The following NBEA variants were observed in gnomAD, a reference collection of about 807,000 sequenced individuals.
NBEA encodes the protein lysosomal-trafficking regulator 2.
NBEA carries 44 observed loss-of-function variants against 343.4 expected under a neutral mutation model. That is an observed-to-expected ratio of 0.13 (90% CI 0.10 to 0.16). The LOEUF is 0.16. Ranked by LOEUF, NBEA falls within the 10% of genes least tolerant of loss-of-function variation. The probability of loss-of-function intolerance (pLI) is 1.00; values close to 1 mark genes in which losing one functional copy is unlikely to be tolerated. For synonymous variants in NBEA, 1,175 were observed against 1,238.7 expected (o/e 0.95, Z 1.08); for missense variants, 2,555 against 3,631.3 (o/e 0.70, Z 7.62).
In NBEA at chr13:35,211,036, T is replaced by C. The variant is rs1336555052; in HGVS notation, c.5522-17T>C. The C allele has an allele frequency of 1.3e-6, 2 of 1,544,434 alleles. No individual in the cohort carries two copies. The highest frequency in any genetic ancestry group is 2.5e-5 in the East Asian group (1 of 40,696). On this transcript the variant is annotated splice_polypyrimidine_tract_variant and intron_variant, in intron 32 of 58. Coordinates refer to ENST00000379939, the MANE Select transcript of NBEA (RefSeq NM_001385012.1). The stretch of plus-strand genomic sequence containing the variant: ...TAAATTTATGTTTAAGGCTAAAAAT[T>C]ATTATTTTGGGAACAGGTGCCGTGG...
At chr13:35,330,679 T>C (rs914414457) in intron 36 of NBEA, among the ~76,000 whole-genome samples, 1 of 152,072 alleles carries the variant, frequency 6.6e-6, no homozygotes, top group Non-Finnish European at 1.5e-5. Flanking sequence ...TTAGGTCTGA[T>C]TGTATTTTTA....
intron 34 of NBEA, among the ~76,000 whole-genome samples, chr13:35,282,750 A>G (rs1168823536): frequency 6.6e-6 from 1 of 152,178 alleles, no homozygotes; most frequent in Non-Finnish European, 1.5e-5. Context: ...TATATTATTT[A>G]GAGTCATAGT....
chr13:35,210,473 C>T (rs1012021871), intron 32 of NBEA, among the ~76,000 whole-genome samples: 4 of 152,126 alleles, frequency 2.6e-5, no homozygotes, highest in Non-Finnish European at 4.4e-5. Context: ...CTCAACTCCA[C>T]AGCTACTTAA....
chr13:35,368,958 C>T (rs1209303915), intron 38 of NBEA, among the ~76,000 whole-genome samples: 2 of 151,652 alleles, frequency 1.3e-5, no homozygotes, highest in African/African-American at 4.8e-5. Flanking sequence ...TAGCCTCTGA[C>T]CAATTAACAA....
chr13:35,567,762 T>A (rs1452401209), intron 45 of NBEA, among the ~76,000 whole-genome samples: 3 of 152,216 alleles, frequency 2.0e-5, no homozygotes, highest in Admixed American at 2.0e-4. Context: ...CACAGAAAGT[T>A]GAAAGGTATT....
chr13:35,445,202 C>T (rs1454048535), intron 39 of NBEA, among the ~76,000 whole-genome samples: 1 of 151,962 alleles, frequency 6.6e-6, no homozygotes, highest in Non-Finnish European at 1.5e-5. Context: ...GCTTTTTTTC[C>T]CCCTCTTTAC....
chr13:35,043,720 TTGA>T (rs1314101533), intron 2 of NBEA, among the ~76,000 whole-genome samples: 29 of 152,070 alleles, frequency 1.9e-4, no homozygotes, highest in African/African-American at 6.5e-4. Flanking sequence ...TGATTATTAA[TTGA>T]TGAAGATAAG....
At chr13:35,232,359 C>T (rs2075023468) in intron 33 of NBEA, 133 bp from the exon 34 acceptor site, 1 of 634,190 alleles carries the variant, frequency 1.6e-6, no homozygotes, top group Non-Finnish European at 2.6e-6. Context: ...ATCCCTTATA[C>T]ATGAAGCTTG....
At chr13:34,945,099 G>C (rs938483574) in intron 1 of NBEA, among the ~76,000 whole-genome samples, 1 of 152,106 alleles carries the variant, frequency 6.6e-6, no homozygotes, top group African/African-American at 2.4e-5. Flanking sequence ...ATTAAGCTTA[G>C]AGTCACTAGA....
At chr13:35,220,905 T>G (rs59974376) in intron 33 of NBEA, among the ~76,000 whole-genome samples, 1 of 152,062 alleles carries the variant, frequency 6.6e-6, no homozygotes, top group African/African-American at 2.4e-5. Context: ...TTTCCCCCTA[T>G]GCCTATTTCT....
intron 48 of NBEA, among the ~76,000 whole-genome samples, chr13:35,607,126 T>G (rs1380106341): frequency 6.6e-6 from 1 of 152,178 alleles, no homozygotes; most frequent in Non-Finnish European, 1.5e-5. Context: ...CATAGCACAC[T>G]AAAGCCTCAA....
chr13:35,598,277 T>C (rs1167530692), intron 47 of NBEA, among the ~76,000 whole-genome samples: 16 of 152,168 alleles, frequency 1.1e-4, no homozygotes, highest in Admixed American at 1.0e-3. Flanking sequence ...ATAGCAGTTC[T>C]GAAACGCAGC....
intron 40 of NBEA, among the ~76,000 whole-genome samples, chr13:35,459,102 A>G (rs1372823271): frequency 6.6e-6 from 1 of 151,606 alleles, no homozygotes; most frequent in Non-Finnish European, 1.5e-5. Context: ...AGAAAAATAC[A>G]GAAGGAGGAG....
intron 39 of NBEA, among the ~76,000 whole-genome samples, chr13:35,451,812 G>A (rs998807048): frequency 3.9e-5 from 6 of 152,084 alleles, no homozygotes; most frequent in Non-Finnish European, 7.3e-5. Flanking sequence ...GGTAGAGTTC[G>A]TTTCTCTACC....
intron 38 of NBEA, among the ~76,000 whole-genome samples, chr13:35,424,621 G>A (rs912039402): frequency 6.6e-6 from 1 of 152,062 alleles, no homozygotes; most frequent in Non-Finnish European, 1.5e-5. Flanking sequence ...TTTTTCAGTT[G>A]GGTCTCTGCC....
At chr13:34,996,411 A>G (rs1395838516) in intron 1 of NBEA, among the ~76,000 whole-genome samples, 1 of 152,084 alleles carries the variant, frequency 6.6e-6, no homozygotes, top group Non-Finnish European at 1.5e-5. Flanking sequence ...ATATTGATTG[A>G]ATGCTAATAT....
Position 35,041,094 on chromosome 13 carries a change from G to A in NBEA, c.456G>A (p.Gln152=). ...AILRKSVRNL[Q]TSTEVGLIEQ... Reference sequence around the variant, plus strand: ...TACGAAAAAGTGTTCGGAATTTACAGACTAGCACAGAAGTTGGGCTAATTG... The same window carrying A: ...TACGAAAAAGTGTTCGGAATTTACAAACTAGCACAGAAGTTGGGCTAATTG... The change falls in exon 2 of 59, where the codon CAG becomes CAA. Residue 152 remains glutamine, a synonymous_variant. Transcript: ENST00000379939. The A allele has an allele frequency of 6.2e-7, 1 of 1,613,124 alleles. No homozygotes were observed. Among genetic ancestry groups the A allele is most frequent in the Non-Finnish European group, 8.5e-7 (1 of 1,179,452 alleles).
intron 41 of NBEA, among the ~76,000 whole-genome samples, chr13:35,484,611 T>G (rs2076246077): frequency 6.6e-6 from 1 of 151,978 alleles, no homozygotes; most frequent in South Asian, 2.1e-4. Flanking sequence ...TCTCTTTATT[T>G]CATTTGCTGT....
intron 53 of NBEA, 50 bp downstream of exon 53, chr13:35,651,926 A>T: frequency 3.1e-6 from 3 of 978,830 alleles, no homozygotes; most frequent in Non-Finnish European, 4.7e-6. Context: ...CCATATATTC[A>T]TATATAGTTA....
Sources: gnomAD v4.1 joint callset for allele counts (sites outside exome capture counted in the v4.1 genomes callset) on GRCh38, gnomAD v4.1.1 for gene constraint, MANE v1.5 for transcripts, NCBI Gene and HGNC (gene_info 2026-07-23, HGNC 2026-07-21) for gene names.